Variants in TGFBR2 observed in about 807,000 individuals in gnomAD.
TGFBR2 encodes TGF-beta receptor type-2.
In TGFBR2, 18 loss-of-function variants were observed where a neutral mutation model predicts 49.0. That is an observed-to-expected ratio of 0.37 (90% CI 0.25 to 0.54). TGFBR2 has a LOEUF of 0.54. Ranked by LOEUF, TGFBR2 falls within the 20% of genes least tolerant of loss-of-function variation. The pLI, the probability that TGFBR2 is intolerant of heterozygous loss-of-function variation, is 0.85. For missense variants in TGFBR2, 525 were observed against 722.6 expected (o/e 0.73, Z 3.13); for synonymous variants, 282 against 275.9 (o/e 1.02, Z -0.22).
intron 6 of TGFBR2, among the ~76,000 whole-genome samples, chr3:30,690,999 A>G (rs1241000198): frequency 2.0e-5 from 3 of 152,224 alleles, no homozygotes; most frequent in African/African-American, 7.2e-5. Flanking sequence ...GGGTTTTGTG[A>G]AAACTCTCTG....
At chr3:30,656,120 G>A (rs918005306) in intron 3 of TGFBR2, among the ~76,000 whole-genome samples, 1 of 152,164 alleles carries the variant, frequency 6.6e-6, no homozygotes, top group African/African-American at 2.4e-5. Context: ...CTGAGCTAAT[G>A]GGCCCATGAG....
chr3:30,623,766 C>T (rs1250917367), intron 1 of TGFBR2, among the ~76,000 whole-genome samples: 1 of 152,204 alleles, frequency 6.6e-6, no homozygotes, highest in Non-Finnish European at 1.5e-5. Context: ...TGCACTTCTT[C>T]ATCATATAGA....
chr3:30,673,257 GA>G (rs1260387276), intron 4 of TGFBR2, among the ~76,000 whole-genome samples: 1 of 152,048 alleles, frequency 6.6e-6, no homozygotes, highest in East Asian at 1.9e-4. Flanking sequence ...CTCTTGAGAA[GA>G]AAAAAACTCT....
At chr3:30,661,825 A>C (rs1189508151) in intron 3 of TGFBR2, among the ~76,000 whole-genome samples, 1 of 152,226 alleles carries the variant, frequency 6.6e-6, no homozygotes, top group African/African-American at 2.4e-5. Context: ...CACATGATGA[A>C]GAATCTTAAA....
intron 5 of TGFBR2, among the ~76,000 whole-genome samples, chr3:30,680,763 G>C (rs997399734): frequency 5.9e-5 from 9 of 152,176 alleles, no homozygotes; most frequent in African/African-American, 2.2e-4. Flanking sequence ...TGATTGGTGT[G>C]TTACTGTTCT....
intron 1 of TGFBR2, among the ~76,000 whole-genome samples, chr3:30,642,705 G>A (rs1201214437): frequency 1.3e-5 from 2 of 152,104 alleles, no homozygotes; most frequent in African/African-American, 4.8e-5. Flanking sequence ...TAAACAAAAC[G>A]TGGTTTCACT....
chr3:30,669,621 G>A (rs1217749350), intron 3 of TGFBR2, among the ~76,000 whole-genome samples: 4 of 152,272 alleles, frequency 2.6e-5, no homozygotes, highest in Non-Finnish European at 4.4e-5. Flanking sequence ...ATGCAAATGG[G>A]CTTTCCAGTT....
At chr3:30,639,003 T>A (rs1698594239) in intron 1 of TGFBR2, among the ~76,000 whole-genome samples, 1 of 152,224 alleles carries the variant, frequency 6.6e-6, no homozygotes, top group Non-Finnish European at 1.5e-5. Context: ...CATATGGTGA[T>A]CAGGGCCTCT....
At chr3:30,653,411 C>A (rs1698934226) in intron 3 of TGFBR2, among the ~76,000 whole-genome samples, 1 of 151,888 alleles carries the variant, frequency 6.6e-6, no homozygotes, top group Non-Finnish European at 1.5e-5. Context: ...GCCACCATGC[C>A]CGGCTAATTT....
chr3:30,690,888 T>C (rs1699697064), intron 6 of TGFBR2, among the ~76,000 whole-genome samples: 1 of 152,214 alleles, frequency 6.6e-6, no homozygotes, highest in African/African-American at 2.4e-5. Context: ...TGAATTTGAT[T>C]GATAATGATA....
chr3:30,611,588 T>G (rs1398920612), intron 1 of TGFBR2, among the ~76,000 whole-genome samples: 1 of 152,112 alleles, frequency 6.6e-6, no homozygotes, highest in Non-Finnish European at 1.5e-5. Flanking sequence ...TCCTCTTTTT[T>G]TTTTTTTTCA....
chr3:30,622,254 A>G (rs1307447005), intron 1 of TGFBR2, among the ~76,000 whole-genome samples: 1 of 152,176 alleles, frequency 6.6e-6, no homozygotes, highest in African/African-American at 2.4e-5. Context: ...TTAGATGACC[A>G]GGGAGGCTAA....
rs1018149202 is a variant in TGFBR2, at chr3:30,657,022, G to A, written c.454+6562G>A. Among the ~76,000 whole-genome samples, 4 of 152,116 alleles carry A rather than the reference G, an allele frequency of 2.6e-5. No homozygotes were observed. In the South Asian group the frequency reaches 6.2e-4, roughly 24 times the overall value. On this transcript the variant is annotated intron_variant, in intron 3 of 6. Coordinates refer to ENST00000295754, the MANE Select transcript of TGFBR2 (RefSeq NM_003242.6). ...ACATTTTTATGATGAAGTGAAACCCGTGAATTGGCTCCTCCAGACTTCTCA... is the reference window on the plus strand; with the variant it reads ...ACATTTTTATGATGAAGTGAAACCCATGAATTGGCTCCTCCAGACTTCTCA...
At position 30,672,835 on chromosome 3, in the gene TGFBR2, G is replaced by A. The variant is rs530448288; in HGVS notation, c.1254+398G>A. ...TTGTGTTGGTTTCTTTGTATTAAAA[G>A]CATCGTGGAAGGCAATCTCCCTGAA... On this transcript the variant is annotated intron_variant, in intron 4 of 6. Coordinates refer to ENST00000295754, the MANE Select transcript of TGFBR2 (RefSeq NM_003242.6). This position sits in a 1 kb window ranked among gnomAD's most constrained non-coding sequence, Gnocchi z 4.5. Among the ~76,000 whole-genome samples, 1 of 152,108 alleles carries A rather than the reference G, an allele frequency of 6.6e-6. No homozygotes were observed. Among genetic ancestry groups the A allele is most frequent in the Non-Finnish European group, 1.5e-5 (1 of 68,030 alleles).
rs558996966 is a variant in TGFBR2, at chr3:30,675,159, AC to A, written c.1396+914del. 3.3e-5 allele frequency among the ~76,000 whole-genome samples: 5 copies of A among 152,278 alleles called. No homozygotes were observed. In the East Asian group the frequency reaches 9.7e-4, roughly 29 times the overall value. Reference sequence around the variant, plus strand: ...GACTCTCTTCTCAGTACCTTGGAGGACAGATGCATGACACATAAAGCAATAG... The same window carrying A: ...GACTCTCTTCTCAGTACCTTGGAGGAAGATGCATGACACATAAAGCAATAG... On this transcript the variant is annotated intron_variant, in intron 5 of 6. Transcript: ENST00000295754.
In TGFBR2 at chr3:30,621,111, C is replaced by T. The variant is rs375682420; in HGVS notation, c.94+14134C>T. On this transcript the variant is annotated intron_variant, in intron 1 of 6. Coordinates refer to ENST00000295754, the MANE Select transcript of TGFBR2 (RefSeq NM_003242.6). ...TGTTCTCTTGTGCAAGCACAGCTTC[C>T]AGCTGTGTTGCCTGCCTCCCTTTCA... 2.6e-5 allele frequency among the ~76,000 whole-genome samples: 4 copies of T among 152,198 alleles called. No individual in the cohort carries two copies. In the East Asian group the frequency reaches 5.8e-4, roughly 22 times the overall value.
intron 2 of TGFBR2, among the ~76,000 whole-genome samples, chr3:30,647,572 A>C (rs555273092): frequency 3.5e-4 from 54 of 152,120 alleles, no homozygotes; most frequent in African/African-American, 1.3e-3. Context: ...TCATTCATTC[A>C]TTCATTCATT....
At chr3:30,680,839 C>T (rs1015997530) in intron 5 of TGFBR2, among the ~76,000 whole-genome samples, 1 of 152,180 alleles carries the variant, frequency 6.6e-6, no homozygotes, top group East Asian at 1.9e-4. Context: ...GATGGCTTCT[C>T]TTTTACAAAG....
chr3:30,635,776 A>C (rs575152621), intron 1 of TGFBR2, among the ~76,000 whole-genome samples: 1 of 152,324 alleles, frequency 6.6e-6, no homozygotes, highest in East Asian at 1.9e-4. Flanking sequence ...TTCTTAAAGC[A>C]ATCATAGCAA....
Sources: gnomAD v4.1 joint callset for allele counts (sites outside exome capture counted in the v4.1 genomes callset) on GRCh38, gnomAD v4.1.1 for gene constraint, Gnocchi (gnomAD v3.1) non-coding constraint, MANE v1.5 for transcripts, NCBI Gene and HGNC (gene_info 2026-07-23, HGNC 2026-07-21) for gene names.